Variants in LHFPL3 observed in about 807,000 individuals in gnomAD.
LHFPL3 encodes LHFPL tetraspan subfamily member 3 protein.
A neutral mutation model predicts 19.3 loss-of-function variants in LHFPL3; 5 were observed. That is an observed-to-expected ratio of 0.26 (90% CI 0.14 to 0.54). The LOEUF is 0.54. Among genes scored for constraint, LHFPL3 ranks in the 20% least tolerant of loss-of-function variants. The pLI is 0.94. For synonymous variants in LHFPL3, 133 were observed against 126.2 expected (o/e 1.05, Z -0.36); for missense variants, 249 against 307.4 (o/e 0.81, Z 1.42).
intron 1 of LHFPL3, among the ~76,000 whole-genome samples, chr7:104,363,098 G>C (rs1790420901): frequency 6.6e-6 from 1 of 152,302 alleles, no homozygotes; most frequent in African/African-American, 2.4e-5. Flanking sequence ...GTTTGACAAG[G>C]GCAGTCTTCT....
intron 2 of LHFPL3, among the ~76,000 whole-genome samples, chr7:104,840,308 C>CTTTTCT (rs1791173504): frequency 1.7e-5 from 2 of 118,376 alleles, no homozygotes; most frequent in South Asian, 2.7e-4. Flanking sequence ...TGTGGGTTTT[C>CTTTTCT]TTTTTTTTTT....
At chr7:104,763,043 G>A (rs1214749412) in intron 2 of LHFPL3, among the ~76,000 whole-genome samples, 1 of 152,206 alleles carries the variant, frequency 6.6e-6, no homozygotes, top group Non-Finnish European at 1.5e-5. Flanking sequence ...GTAATGACTT[G>A]TTGTTTACTG....
chr7:104,396,149 A>G (rs1791180472), intron 1 of LHFPL3, among the ~76,000 whole-genome samples: 1 of 152,190 alleles, frequency 6.6e-6, no homozygotes, highest in Non-Finnish European at 1.5e-5. Flanking sequence ...TATGTGTGAC[A>G]GGTTTAGCCA....
chr7:104,601,646 G>A (rs1023075927), intron 1 of LHFPL3, among the ~76,000 whole-genome samples: 3 of 152,172 alleles, frequency 2.0e-5, no homozygotes, highest in African/African-American at 2.4e-5. Context: ...ATCAGGTTTT[G>A]GACATCTTAT....
intron 1 of LHFPL3, among the ~76,000 whole-genome samples, chr7:104,369,655 A>T (rs552702827): frequency 1.9e-4 from 29 of 152,354 alleles, no homozygotes; most frequent in African/African-American, 5.8e-4. Flanking sequence ...GAGCAATGTC[A>T]CAGAGTTCGT....
intron 1 of LHFPL3, among the ~76,000 whole-genome samples, chr7:104,629,124 T>C (rs562505262): frequency 1.3e-5 from 2 of 152,332 alleles, no homozygotes; most frequent in South Asian, 4.1e-4. Context: ...CTTATGTGTG[T>C]TACCAGCTGA....
rs565272154 is a variant in LHFPL3, at chr7:104,721,930, G to T, written c.446-14745G>T. Among the ~76,000 whole-genome samples, 54 of 152,174 alleles carry T rather than the reference G, an allele frequency of 3.5e-4. 2 individuals carry two copies. The South Asian group carries it at 0.01, about 29-fold the overall frequency. On this transcript the variant is annotated intron_variant, in intron 1 of 2. Transcript: ENST00000424859. ...ATTATTATTAACTATACCATTAGCA[G>T]GATTTCAATGAATGTGACTGGACCC...
At chr7:104,668,349 G>A (rs1792400726) in intron 1 of LHFPL3, 11 of 1,593,262 alleles carry the variant, frequency 6.9e-6, no homozygotes, top group South Asian at 6.6e-5. Flanking sequence ...AGACTGGAGG[G>A]CTCGTCCTGC....
At chr7:104,669,148 C>T (rs534841630) in intron 1 of LHFPL3, 1 of 1,613,240 alleles carries the variant, frequency 6.2e-7, no homozygotes. Flanking sequence ...ACCTGATCAG[C>T]CCCTAAAGGT....
rs748374402 is a variant in LHFPL3, at chr7:104,328,734, G to A, written c.-46G>A. 1.5e-5 allele frequency: 22 copies of A among 1,494,984 alleles called. No homozygotes were observed. The highest frequency in any genetic ancestry group is 1.7e-5 in the Non-Finnish European group (19 of 1,112,696). The allele number at this position is 1,494,984 out of a possible 1,614,324, so 92.6% of individuals were successfully genotyped here. A position where few individuals can be genotyped will look rare whatever the true frequency, so the allele number is the denominator to read the frequency against. On this transcript the variant is annotated 5_prime_UTR_variant, in exon 1 of 3. Coordinates refer to ENST00000424859, the MANE Select transcript of LHFPL3 (RefSeq NM_199000.3). This position sits in a 1 kb window ranked among gnomAD's most constrained non-coding sequence, Gnocchi z 4.6. Reference sequence around the variant, plus strand: ...TCTCCTGCGCGCTGAGAGGCGGGGGGAGGCGGAGGACCAGGAGGAGGAGGA... The same window carrying A: ...TCTCCTGCGCGCTGAGAGGCGGGGGAAGGCGGAGGACCAGGAGGAGGAGGA...
chr7:104,474,745 A>G (rs575957883), intron 1 of LHFPL3, among the ~76,000 whole-genome samples: 2 of 151,924 alleles, frequency 1.3e-5, no homozygotes, highest in African/African-American at 4.8e-5. Flanking sequence ...GCAGCTTCAG[A>G]ATAGGGGATG....
intron 1 of LHFPL3, among the ~76,000 whole-genome samples, chr7:104,684,589 C>A (rs1332991453): frequency 6.6e-6 from 1 of 152,202 alleles, no homozygotes; most frequent in Non-Finnish European, 1.5e-5. Context: ...AAATCCCAGG[C>A]TGTATCAAAC....
chr7:104,437,986 C>T (rs1236639883), intron 1 of LHFPL3, among the ~76,000 whole-genome samples: 2 of 152,142 alleles, frequency 1.3e-5, no homozygotes, highest in Non-Finnish European at 2.9e-5. Context: ...GACCAGCCAC[C>T]ATACAGGAGT....
intron 1 of LHFPL3, among the ~76,000 whole-genome samples, chr7:104,589,455 A>T (rs1055024246): frequency 1.3e-5 from 2 of 152,236 alleles, no homozygotes; most frequent in Non-Finnish European, 2.9e-5. Flanking sequence ...CATCCCAGTG[A>T]TGAAACCAAC....
At chr7:104,332,581 A>G (rs1801591224) in intron 1 of LHFPL3, among the ~76,000 whole-genome samples, 1 of 152,092 alleles carries the variant, frequency 6.6e-6, no homozygotes, top group African/African-American at 2.4e-5. Flanking sequence ...ACTTCTTATG[A>G]TATTACAATA....
In LHFPL3 at chr7:104,415,781, CATT is replaced by C. The variant is rs773284901; in HGVS notation, c.445+86561_445+86563del. Among the ~76,000 whole-genome samples, 6 of 152,084 alleles carry C rather than the reference CATT, an allele frequency of 3.9e-5. No homozygotes were observed. In the East Asian group the frequency reaches 9.7e-4, roughly 25 times the overall value. ...ATATCCAATTTCAGTAGCAAAAAAA[CATT>C]ATTTAAGGACATTAGAGTAGCTTCT... On this transcript the variant is annotated intron_variant, in intron 1 of 2. Transcript: ENST00000424859.
intron 1 of LHFPL3, among the ~76,000 whole-genome samples, chr7:104,596,055 C>T (rs558842678): frequency 5.3e-5 from 8 of 152,342 alleles, no homozygotes; most frequent in East Asian, 1.9e-4. Context: ...GCTCACCCTC[C>T]GTGGGCTGCA....
At chr7:104,466,552 C>T (rs1041004077) in intron 1 of LHFPL3, among the ~76,000 whole-genome samples, 2 of 152,158 alleles carry the variant, frequency 1.3e-5, no homozygotes, top group Non-Finnish European at 2.9e-5. Flanking sequence ...ATTGTATTTT[C>T]AAATTCTGCA....
At chr7:104,898,948 C>T (rs1006949293) in intron 2 of LHFPL3, among the ~76,000 whole-genome samples, 2 of 151,948 alleles carry the variant, frequency 1.3e-5, no homozygotes, top group Non-Finnish European at 2.9e-5. Flanking sequence ...TCTGTCTCTA[C>T]AAAAATTAGC....
Sources: gnomAD v4.1 joint callset for allele counts (sites outside exome capture counted in the v4.1 genomes callset) on GRCh38, gnomAD v4.1.1 for gene constraint, Gnocchi (gnomAD v3.1) non-coding constraint, MANE v1.5 for transcripts, NCBI Gene and HGNC (gene_info 2026-07-23, HGNC 2026-07-21) for gene names.